The following NRP2 variants were observed in gnomAD, a reference collection of about 807,000 sequenced individuals.
The protein encoded by NRP2 is neuropilin 2, also known as neuropilin-2.
Under a neutral mutation model 110.4 loss-of-function variants are expected in NRP2, and 52 were observed. The observed-to-expected ratio is 0.47, with a 90% CI of 0.38 to 0.59. The LOEUF (loss-of-function observed/expected upper bound fraction) is 0.59, where lower values mean the gene tolerates loss of function less well. Ranked by LOEUF, NRP2 falls within the 20% of genes least tolerant of loss-of-function variation. The pLI, the probability that NRP2 is intolerant of heterozygous loss-of-function variation, is 0.00. For missense variants in NRP2, 1,049 were observed against 1,203.0 expected (o/e 0.87, Z 1.89); for synonymous variants, 508 against 468.9 (o/e 1.08, Z -1.08).
chr2:205,743,434 G>A lies in NRP2; in HGVS notation c.1523G>A (p.Gly508Glu). Reference protein sequence around the residue: ...VKGVIIQGARGGDSITAVEAR... With the variant: ...VKGVIIQGAREGDSITAVEAR... The stretch of plus-strand genomic sequence containing the variant: ...GGTGTCATCATCCAGGGAGCCCGCG[G>A]AGGAGACAGTATCACTGCTGTGGAA... The change falls in exon 9 of 17, where the codon GGA becomes GAA. Residue 508 changes from glycine to glutamate, a missense_variant. Physicochemically the swap from Gly to Glu is moderately conservative, Grantham distance 98. Coordinates refer to ENST00000357785, the MANE Select transcript of NRP2 (RefSeq NM_003872.3). The A allele has an allele frequency of 6.2e-7, 1 of 1,614,238 alleles. No individual in the cohort carries two copies.
intron 10 of NRP2, among the ~76,000 whole-genome samples, chr2:205,746,181 C>A (rs2057535862): frequency 6.6e-6 from 1 of 152,136 alleles, no homozygotes; most frequent in Non-Finnish European, 1.5e-5. Flanking sequence ...TCAATTAGAC[C>A]CTGGCTCTTC....
chr2:205,774,386 G>C (rs991475560), intron 15 of NRP2, among the ~76,000 whole-genome samples: 1 of 152,188 alleles, frequency 6.6e-6, no homozygotes, highest in Non-Finnish European at 1.5e-5. Flanking sequence ...AAGAGGGCAG[G>C]CAATAAGGTG....
chr2:205,776,212 A>G (rs1213181812), intron 15 of NRP2: 2 of 1,588,454 alleles, frequency 1.3e-6, no homozygotes, highest in Non-Finnish European at 1.7e-6. Context: ...GCATGCTCTC[A>G]GCCTAGCAAC....
intron 1 of NRP2, among the ~76,000 whole-genome samples, chr2:205,695,397 T>C (rs1409515896): frequency 6.6e-6 from 1 of 152,230 alleles, no homozygotes; most frequent in East Asian, 1.9e-4. Context: ...TCTGTGTGCC[T>C]GGTCTAATTA....
At chr2:205,735,944 A>G (rs1200540094) in intron 7 of NRP2, among the ~76,000 whole-genome samples, 2 of 152,240 alleles carry the variant, frequency 1.3e-5, no homozygotes, top group East Asian at 3.8e-4. Flanking sequence ...TTTAATAATT[A>G]CAACATAATC....
chr2:205,696,424 C>T (rs1040586458), intron 1 of NRP2, among the ~76,000 whole-genome samples: 2 of 152,232 alleles, frequency 1.3e-5, no homozygotes, highest in African/African-American at 4.8e-5. Flanking sequence ...GAGACACACA[C>T]ATCTCAGGAA....
intron 8 of NRP2, among the ~76,000 whole-genome samples, chr2:205,742,202 T>C (rs2057454845): frequency 6.6e-6 from 1 of 152,224 alleles, no homozygotes; most frequent in African/African-American, 2.4e-5. Flanking sequence ...TTTGCAAGTA[T>C]GAAATGCACA....
chr2:205,790,398 G>T (rs1294890263), intron 15 of NRP2, among the ~76,000 whole-genome samples: 2 of 152,096 alleles, frequency 1.3e-5, no homozygotes, highest in African/African-American at 4.8e-5. Context: ...TCTTCCCTGA[G>T]GGTGTGAGAT....
At chr2:205,791,393 C>T (rs2058299686) in intron 15 of NRP2, among the ~76,000 whole-genome samples, 1 of 152,194 alleles carries the variant, frequency 6.6e-6, no homozygotes, top group Admixed American at 6.5e-5. Context: ...TAAGATGTTG[C>T]TCTTTGCCAT....
rs1312554236 is a variant in NRP2 at position 205,697,550 on chromosome 2, C to T, written c.80C>T (p.Pro27Leu). The change falls in exon 2 of 17, where the codon CCG (proline) becomes CTG (leucine). Residue 27 changes from proline (P) to leucine (L), a missense_variant. Transcript: ENST00000357785. ...RHQVRGQPDP[P>L]CGGRLNSKDA... ...TCGTTGATTTCTCTTTCAGACCCAC[C>T]GTGCGGAGGTCGTTTGAATTCCAAA... is the stretch of plus-strand genomic sequence containing the variant. 1.3e-5 allele frequency: 21 copies of T among 1,613,730 alleles called. No homozygotes were observed. The highest frequency in any genetic ancestry group is 1.8e-5 in the Non-Finnish European group (21 of 1,179,828).
chr2:205,730,333 C>T (rs957008127), intron 7 of NRP2, among the ~76,000 whole-genome samples: 36 of 151,560 alleles, frequency 2.4e-4, no homozygotes, highest in Middle Eastern at 6.8e-3. Flanking sequence ...GTCAAGTCTG[C>T]CGCAGTTTGA....
chr2:205,714,246 T>A (rs2056851304), intron 2 of NRP2, among the ~76,000 whole-genome samples: 1 of 152,218 alleles, frequency 6.6e-6, no homozygotes, highest in Non-Finnish European at 1.5e-5. Flanking sequence ...TCAGAAAGGT[T>A]CAGTAACTTG....
intron 12 of NRP2, among the ~76,000 whole-genome samples, 187 bp downstream of exon 12, chr2:205,753,162 C>G (rs950991715): frequency 1.3e-5 from 2 of 152,202 alleles, no homozygotes. Context: ...TGGTTCCCAG[C>G]CTCTCTTGTG....
chr2:205,734,408 C>CG (rs1424362088), intron 7 of NRP2, among the ~76,000 whole-genome samples: 25 of 149,786 alleles, frequency 1.7e-4, no homozygotes, highest in African/African-American at 5.2e-4. Context: ...CGCCCCCCCC[C>CG]ACCCCGCATC....
intron 9 of NRP2, 44 bp downstream of exon 9, chr2:205,743,596 G>A: frequency 1.2e-6 from 2 of 1,605,854 alleles, no homozygotes; most frequent in Non-Finnish European, 1.7e-6. Context: ...CCTCAACAGG[G>A]AGGCTAAGTG....
intron 2 of NRP2, among the ~76,000 whole-genome samples, chr2:205,714,006 T>C (rs1357750512): frequency 6.6e-6 from 1 of 152,236 alleles, no homozygotes; most frequent in African/African-American, 2.4e-5. Context: ...TGCTCATTTG[T>C]TCCATTTCTG....
Position 205,716,278 on chromosome 2 carries a change from A to G in NRP2, c.337A>G (p.Ile113Val), listed in dbSNP as rs757792703. ...CTGTGGGAACATCGCCCCGCCCACC[A>G]TCATCTCCTCGGGCTCCATGCTCTA... The part of the protein sequence containing the change: ...KHCGNIAPPT[I>V]ISSGSMLYIK... Residue 113 changes from isoleucine to valine, a missense_variant, in exon 3 of 17, where the codon ATC becomes GTC. Transcript: ENST00000357785. 9.9e-6 allele frequency: 16 copies of G among 1,614,060 alleles called. No individual in the cohort carries two copies. In the East Asian group the frequency reaches 3.3e-4, roughly 34 times the overall value.
intron 11 of NRP2, chr2:205,752,364 G>C (rs1017481477): frequency 1.3e-5 from 3 of 225,102 alleles, no homozygotes; most frequent in Admixed American, 1.1e-4. Flanking sequence ...TCACTGGGCA[G>C]AACCTCCCAG....
At chr2:205,717,479 C>T (rs2056923950) in intron 3 of NRP2, among the ~76,000 whole-genome samples, 3 of 152,224 alleles carry the variant, frequency 2.0e-5, no homozygotes, top group African/African-American at 7.2e-5. Context: ...TTTATATCCA[C>T]TCTGTCTAAA....
Sources: allele counts gnomAD v4.1 joint callset (sites outside exome capture counted in the v4.1 genomes callset), GRCh38; gene constraint gnomAD v4.1.1; transcripts MANE v1.5; gene names NCBI Gene and HGNC (gene_info 2026-07-23, HGNC 2026-07-21).